Variants in C1R observed in about 807,000 individuals in gnomAD.
C1R encodes complement C1r subcomponent.
Under a neutral mutation model 27.6 loss-of-function variants are expected in C1R, and 15 were observed. The observed-to-expected ratio is 0.54, with a 90% CI of 0.36 to 0.84. C1R has a LOEUF of 0.84. C1R is among the 40% of genes least tolerant of loss of function. The probability of loss-of-function intolerance (pLI) is 0.01; values close to 1 mark genes in which losing one functional copy is unlikely to be tolerated. For missense variants in C1R, 544 were observed against 577.9 expected, an observed-to-expected ratio of 0.94 and a Z score of 0.60; for synonymous variants, 253 against 228.8, an observed-to-expected ratio of 1.11 and a Z score of -0.95.
rs1413203450 is a variant in C1R, at chr12:7,085,433, ATGG to A, written c.1273+425_1273+427del. On this transcript the variant is annotated intron_variant, in intron 9 of 10. Transcript: ENST00000647956. ...GGTGGTGGTGATAGTGGTGTTGGTA[ATGG>A]TGGTGATAATGGTAGTGGTGATGGT... 2.0e-4 allele frequency among the ~76,000 whole-genome samples: 28 copies of A among 143,230 alleles called. 1 individual carries two copies. Among genetic ancestry groups the A allele is most frequent in the East Asian group, 2.2e-4 (1 of 4,630 alleles). The allele number at this position is 143,230 out of a possible 152,430, so 94.0% of individuals were successfully genotyped here.
At chr12:7,089,041 A>G in intron 5 of C1R, 55 bp from the exon 6 acceptor site, 1 of 677,600 alleles carries the variant, frequency 1.5e-6, no homozygotes, top group Non-Finnish European at 2.7e-6. Context: ...ACACAGGGCC[A>G]ACTGGGTAGT....
chr12:7,086,351 A>G, intron 8 of C1R, 28 bp downstream of exon 8: 1 of 398,580 alleles, frequency 2.5e-6, no homozygotes, highest in Non-Finnish European at 4.4e-6. Flanking sequence ...GGAGGTCCCC[A>G]GGGTCATATC....
At chr12:7,081,981 C>G in intron 10 of C1R, 51 bp downstream of exon 10, 1 of 1,494,308 alleles carries the variant, frequency 6.7e-7, no homozygotes. Flanking sequence ...CTTTTGAGGC[C>G]CTGCAGGCTG....
chr12:7,089,600 C>T lies in C1R; in HGVS notation c.558G>A (p.Arg186=), dbSNP rs1686142282. The T allele has an allele frequency of 1.3e-6, 1 of 780,912 alleles. No homozygotes were observed. Among genetic ancestry groups the T allele is most frequent in the Non-Finnish European group, 2.4e-6 (1 of 417,986 alleles). The allele number at this position is 780,912 out of a possible 1,614,324, so 48.4% of individuals were successfully genotyped here. A position where few individuals can be genotyped will look rare whatever the true frequency, so the allele number is the denominator to read the frequency against. ...CRPGYELQED[R]HSCQAECSSE... The stretch of plus-strand genomic sequence containing the variant: ...ACTCTGGCTCACCCTGGCAGGAATG[C>T]CTGTCTTCCTGAAGCTCATAGCCTG... The change falls in exon 4 of 11, where the codon AGG becomes AGA. Residue 186 remains arginine, a synonymous_variant. Coordinates refer to ENST00000647956, the MANE Select transcript of C1R (RefSeq NM_001733.7).
chr12:7,086,570 A>G (rs1477383671), intron 7 of C1R, 113 bp from the exon 8 acceptor site: 2 of 352,056 alleles, frequency 5.7e-6, no homozygotes, highest in African/African-American at 2.8e-5. Context: ...TGGCTCCCCC[A>G]TGGATGTGGC....
At chr12:7,085,457 ATGG>A (rs1938140514) in intron 9 of C1R, among the ~76,000 whole-genome samples, 1 of 151,236 alleles carries the variant, frequency 6.6e-6, no homozygotes, top group Non-Finnish European at 1.5e-5. Context: ...GGTAGTGGTG[ATGG>A]TGGTGTTGGT....
intron 9 of C1R, 70 bp downstream of exon 9, chr12:7,085,791 C>T: frequency 5.0e-6 from 2 of 398,254 alleles, no homozygotes; most frequent in Non-Finnish European, 8.9e-6. Context: ...AGGGATTCTA[C>T]TGGGAGAAAT....
Position 7,081,444 on chromosome 12 carries a change from C to T in C1R, c.1349-143G>A, listed in dbSNP as rs781508163. 1.2e-4 allele frequency: 83 copies of T among 704,970 alleles called. 1 individual carries two copies. The highest frequency in any genetic ancestry group is 9.3e-4 in the South Asian group (60 of 64,816). The allele number at this position is 704,970 out of a possible 1,614,324, so 43.7% of individuals were successfully genotyped here. A position where few individuals can be genotyped will look rare whatever the true frequency, so the allele number is the denominator to read the frequency against. ...TCTCCTCCCATCCCCACACCTCCGT[C>T]ATTGGCCTATTGACAGGCTCTTCTT... On this transcript the variant is annotated intron_variant, in intron 10 of 10. Transcript: ENST00000647956.
rs753818566 is a variant in C1R, at chr12:7,091,157, T to A, written c.231+295A>T. On this transcript the variant is annotated intron_variant, in intron 2 of 10. Coordinates refer to ENST00000647956, the MANE Select transcript of C1R (RefSeq NM_001733.7). The surrounding 1 kb of genome is among the most constrained non-coding windows in gnomAD (Gnocchi z 5.1). ...AGACAGGGAAGCTGAGGCACAGTGG[T>A]TTCCCAAAGACTCTCAGCTAGACAG... The A allele has an allele frequency of 1.0e-5, 4 of 388,142 alleles. No individual in the cohort carries two copies. In the East Asian group the frequency reaches 2.4e-4, roughly 23 times the overall value. The allele number at this position is 388,142 out of a possible 1,614,324, so 24.0% of individuals were successfully genotyped here.
rs1349997032 is a variant in C1R, at chr12:7,091,104, C to T, written c.231+348G>A. 2 of 303,566 alleles carry T rather than the reference C, an allele frequency of 6.6e-6. No homozygotes were observed. Among genetic ancestry groups the T allele is most frequent in the Non-Finnish European group, 1.2e-5 (2 of 161,604 alleles). The allele number at this position is 303,566 out of a possible 1,614,324, so 18.8% of individuals were successfully genotyped here. A position where few individuals can be genotyped will look rare whatever the true frequency, so the allele number is the denominator to read the frequency against. On this transcript the variant is annotated intron_variant, in intron 2 of 10. Transcript: ENST00000647956. The surrounding 1 kb of genome is among the most constrained non-coding windows in gnomAD (Gnocchi z 5.1). ...TCATGTCCCTGTGTTCCTGTTGAAG[C>T]AGGCAGCCATGTCAATCATTTCCTT... is the stretch of plus-strand genomic sequence containing the variant.
chr12:7,088,956 A>G lies in C1R; in HGVS notation c.799T>C (p.Phe267Leu). The G allele has an allele frequency of 1.4e-6, 1 of 735,012 alleles. No individual in the cohort carries two copies. The highest frequency in any genetic ancestry group is 2.5e-5 in the East Asian group (1 of 39,658). The allele number at this position is 735,012 out of a possible 1,614,324, so 45.5% of individuals were successfully genotyped here. The change falls in exon 6 of 11, where the codon TTC (phenylalanine) becomes CTC (leucine). Residue 267 changes from phenylalanine (F) to leucine (L), a missense_variant. Phe to Leu is a conservative substitution (Grantham distance 22). This residue lies in a region of C1R where 291 missense variants were observed against 209.0 expected (regional missense o/e 1.39). Coordinates refer to ENST00000647956, the MANE Select transcript of C1R (RefSeq NM_001733.7). The stretch of plus-strand genomic sequence containing the variant: ...TCGGGGGGCCTTTGCTTCCCACAGA[A>G]CTCGCCAATGTTCTTCCCGTTGGCA... ...IYANGKNIGE[F>L]CGKQRPPDLD...
intron 9 of C1R, among the ~76,000 whole-genome samples, chr12:7,085,130 ATGGTGGTGATGATGGTGT>A (rs1282855178): frequency 7.5e-6 from 1 of 132,842 alleles, no homozygotes; most frequent in African/African-American, 3.2e-5. Flanking sequence ...AGTAATGGTG[ATGGTGGTGATGATGGTGT>A]TGGTGGTGAT....
At chr12:7,092,255 C>T (rs768277041) in intron 1 of C1R, 132 bp downstream of exon 1, 19 of 739,270 alleles carry the variant, frequency 2.6e-5, no homozygotes, top group African/African-American at 2.4e-4. Context: ...TGTGTGTCCA[C>T]GCGTGTGCAC....
At chr12:7,092,188 AGCATCTAT>A (rs2135746192) in intron 1 of C1R, 191 bp downstream of exon 1, 1 of 639,152 alleles carries the variant, frequency 1.6e-6, no homozygotes, top group African/African-American at 1.8e-5. Context: ...CCATGGCATG[AGCATCTAT>A]GTATGAAGTC....
At chr12:7,084,895 A>C (rs1938117011) in intron 9 of C1R, among the ~76,000 whole-genome samples, 1 of 140,346 alleles carries the variant, frequency 7.1e-6, no homozygotes. Context: ...TAGTGGTGAC[A>C]GTGGTGTTGG....
At chr12:7,086,138 G>A in intron 8 of C1R, 122 bp from the exon 9 acceptor site, 1 of 397,856 alleles carries the variant, frequency 2.5e-6, no homozygotes, top group Non-Finnish European at 4.4e-6. Context: ...AGTCAGTGGG[G>A]AGGGCCCTTG....
rs780252671 is a variant in C1R at position 7,081,019 on chromosome 12, G to T, written c.1631C>A (p.Pro544Gln). 1 of 1,613,984 alleles carries T rather than the reference G, an allele frequency of 6.2e-7. No individual in the cohort carries two copies. Among genetic ancestry groups the T allele is most frequent in the Non-Finnish European group, 8.5e-7 (1 of 1,179,884 alleles). Reference sequence around the variant, plus strand: ...GTAGGACTCATCCTGACGGTAGTCCGGGTGGACGCTGACCCTGCGGATGGG... The same window carrying T: ...GTAGGACTCATCCTGACGGTAGTCCTGGTGGACGCTGACCCTGCGGATGGG... ...NHPIRRVSVH[P>Q]DYRQDESYNF... Residue 544 changes from proline (P) to glutamine (Q), a missense_variant, in exon 11 of 11, where the codon CCG becomes CAG. By Grantham distance (76) the Pro-to-Gln change is moderately conservative. This residue lies in a region of C1R where 253 missense variants were observed against 368.9 expected (regional missense o/e 0.69). Coordinates refer to ENST00000647956, the MANE Select transcript of C1R (RefSeq NM_001733.7).
chr12:7,088,204 C>A (rs956945389), intron 7 of C1R, among the ~76,000 whole-genome samples: 1 of 152,160 alleles, frequency 6.6e-6, no homozygotes, highest in Non-Finnish European at 1.5e-5. Context: ...GGCAATAGTT[C>A]TTAAACTTGG....
rs959786999 is a variant in C1R, at chr12:7,086,593, G to A, written c.1039-136C>T. 1.2e-4 allele frequency: 47 copies of A among 390,712 alleles called. 1 individual carries two copies. The Middle Eastern group carries it at 5.2e-3, about 43-fold the overall frequency. The allele number at this position is 390,712 out of a possible 1,614,324, so 24.2% of individuals were successfully genotyped here. On this transcript the variant is annotated intron_variant, in intron 7 of 10. Coordinates refer to ENST00000647956, the MANE Select transcript of C1R (RefSeq NM_001733.7). ...CCATGGATGTGGCTCCCCCATGGAT[G>A]TGGCTCCCCCATGGATGTGGCTCCT... is the stretch of plus-strand genomic sequence containing the variant.
Sources: allele counts gnomAD v4.1 joint callset (sites outside exome capture counted in the v4.1 genomes callset), GRCh38; gene constraint gnomAD v4.1.1; regional missense constraint gnomAD v4.1.1; non-coding constraint Gnocchi (gnomAD v3.1); transcripts MANE v1.5; gene names NCBI Gene and HGNC (gene_info 2026-07-23, HGNC 2026-07-21).